The following STAT5A variants were observed in gnomAD, a reference collection of about 807,000 sequenced individuals.
STAT5A encodes signal transducer and activator of transcription 5A.
A neutral mutation model predicts 100.2 loss-of-function variants in STAT5A; 26 were observed. That is an observed-to-expected ratio of 0.26 (90% CI 0.19 to 0.36). STAT5A has a LOEUF of 0.36. STAT5A is among the 10% of genes least tolerant of loss of function. The pLI, the probability that STAT5A is intolerant of heterozygous loss-of-function variation, is 1.00. For synonymous variants in STAT5A, 330 were observed against 424.3 expected, an observed-to-expected ratio of 0.78 and a Z score of 2.73; for missense variants, 634 against 1,027.5, an observed-to-expected ratio of 0.62 and a Z score of 5.24.
rs577382905 is a variant in STAT5A, at chr17:42,307,554, T to A, written c.1776-39T>A. The A allele has an allele frequency of 5.5e-5, 88 of 1,614,102 alleles. No homozygotes were observed. In the African/African-American group the frequency reaches 1.1e-3, roughly 20 times the overall value. On this transcript the variant is annotated intron_variant, in intron 14 of 18. Transcript: ENST00000590949. The stretch of plus-strand genomic sequence containing the variant: ...GCTGTGGGCGCAGAGAGACTGTGGC[T>A]GTGGCCCAGTGGTGACGCTCAATGC...
chr17:42,310,387 C>T (rs929996031), intron 18 of STAT5A, 120 bp from the exon 19 acceptor site: 3 of 1,141,892 alleles, frequency 2.6e-6, no homozygotes, highest in Non-Finnish European at 3.8e-6. Context: ...GGCATCCAGC[C>T]AGAACTGGTC....
chr17:42,310,572 A>G lies in STAT5A; in HGVS notation c.2288A>G (p.His763Arg). The G allele has an allele frequency of 6.2e-7, 1 of 1,614,206 alleles. No homozygotes were observed. Among genetic ancestry groups the G allele is most frequent in the African/African-American group, 1.3e-5 (1 of 75,046 alleles). ...DLDETMDVAR[H>R]VEELLRRPMD... ...GATGAGACCATGGATGTGGCCAGGC[A>G]CGTGGAGGAACTCTTACGCCGACCA... is the stretch of plus-strand genomic sequence containing the variant. The change falls in exon 19 of 19, where the codon CAC (histidine) becomes CGC (arginine). Residue 763 changes from histidine (H) to arginine (R), a missense_variant. Physicochemically the swap from His to Arg is conservative, Grantham distance 29. This residue lies in a region of STAT5A where 88 missense variants were observed against 95.1 expected (regional missense o/e 0.92). Coordinates refer to ENST00000590949, the MANE Select transcript of STAT5A (RefSeq NM_001288718.2).
rs1323710039 is a variant in STAT5A, at chr17:42,310,686, C to T, written c.*17C>T. ...CTCTCATGAATGTTTGAATCCCACG[C>T]TTCTCTTTGGAAACAATATGCAATG... On this transcript the variant is annotated 3_prime_UTR_variant, in exon 19 of 19. Coordinates refer to ENST00000590949, the MANE Select transcript of STAT5A (RefSeq NM_001288718.2). 2.5e-6 allele frequency: 4 copies of T among 1,613,696 alleles called. No individual in the cohort carries two copies. Among genetic ancestry groups the T allele is most frequent in the Non-Finnish European group, 8.5e-7 (1 of 1,179,818 alleles).
Position 42,299,881 on chromosome 17 carries a change from G to T in STAT5A, c.681G>T (p.Val227=). Residue 227 remains valine, a splice_region_variant and synonymous_variant, in exon 6 of 19, where the codon GTG becomes GTT. Transcript: ENST00000590949. ...REAQTLQQYR[V]ELAEKHQKTL... is the part of the protein sequence containing the mutation. ...CACAGACACTGCAGCAGTACCGCGT[G>T]GTGAGTGGGGTCCTGGGCCTCTCCT... 6.2e-7 allele frequency: 1 copy of T among 1,606,394 alleles called. No individual in the cohort carries two copies. Among genetic ancestry groups the T allele is most frequent in the East Asian group, 2.2e-5 (1 of 44,682 alleles).
Position 42,301,262 on chromosome 17 carries a change from G to C in STAT5A, c.990-13G>C. 1 of 1,612,536 alleles carries C rather than the reference G, an allele frequency of 6.2e-7. No homozygotes were observed. The highest frequency in any genetic ancestry group is 1.7e-5 in the Admixed American group (1 of 59,924). Reference sequence around the variant, plus strand: ...AACCCCTCATCGTGTGTCTGTCCCTGTGTCCCATGCAGCACATTCATCATT... The same window carrying C: ...AACCCCTCATCGTGTGTCTGTCCCTCTGTCCCATGCAGCACATTCATCATT... On this transcript the variant is annotated splice_polypyrimidine_tract_variant and intron_variant, in intron 8 of 18. Coordinates refer to ENST00000590949, the MANE Select transcript of STAT5A (RefSeq NM_001288718.2).
intron 12 of STAT5A, 104 bp downstream of exon 12, chr17:42,305,806 A>C: frequency 8.0e-7 from 1 of 1,245,452 alleles, no homozygotes; most frequent in Non-Finnish European, 1.1e-6. Context: ...TCCTCACCCC[A>C]GGGCCAGCCC....
rs1284337001 is a variant in STAT5A, at chr17:42,308,604, G to A, written c.2062+271G>A. ...CCTCGGAGGAAGGGGTGGCAGCACTGTAGGGAGTGGCCGGGATCATTCGAG... is the reference window on the plus strand; with the variant it reads ...CCTCGGAGGAAGGGGTGGCAGCACTATAGGGAGTGGCCGGGATCATTCGAG... On this transcript the variant is annotated intron_variant, in intron 16 of 18. Coordinates refer to ENST00000590949, the MANE Select transcript of STAT5A (RefSeq NM_001288718.2). The surrounding 1 kb of genome is among the most constrained non-coding windows in gnomAD (Gnocchi z 4.6). 3.7e-6 allele frequency: 2 copies of A among 538,826 alleles called. No homozygotes were observed. Among genetic ancestry groups the A allele is most frequent in the South Asian group, 2.1e-5 (1 of 47,214 alleles). The allele number at this position is 538,826 out of a possible 1,614,324, so 33.4% of individuals were successfully genotyped here.
intron 5 of STAT5A, among the ~76,000 whole-genome samples, chr17:42,298,120 C>T (rs141760746): frequency 0.044 from 6,590 of 150,722 alleles, 310 homozygotes; most frequent in African/African-American, 0.12. Context: ...GATACACAGG[C>T]GCCCTTGTGT....
Position 42,304,582 on chromosome 17 carries a change from A to G in STAT5A, c.1310A>G (p.Glu437Gly). The G allele has an allele frequency of 6.2e-7, 1 of 1,614,224 alleles. No homozygotes were observed. Residue 437 changes from glutamate (E) to glycine (G), a missense_variant, in exon 11 of 19, where the codon GAG (glutamate) becomes GGG (glycine). Glu to Gly is a moderately conservative substitution (Grantham distance 98). This residue lies in a region of STAT5A where 210 missense variants were observed against 428.4 expected (regional missense o/e 0.49). Coordinates refer to ENST00000590949, the MANE Select transcript of STAT5A (RefSeq NM_001288718.2). This position sits in a 1 kb window ranked among gnomAD's most constrained non-coding sequence, Gnocchi z 4.8. ...ADRRGAESVT[E>G]EKFTVLFESQ... ...CGGCGGGGTGCAGAGTCCGTGACAG[A>G]GGAGAAGTTCACAGTCCTGTTTGAG...
At chr17:42,307,308 G>A in intron 13 of STAT5A, 94 bp from the exon 14 acceptor site, 1 of 1,268,138 alleles carries the variant, frequency 7.9e-7, no homozygotes, top group Non-Finnish European at 1.1e-6. Context: ...GAAGAACTGG[G>A]AGAAGACTGG....
chr17:42,310,398 C>CT, intron 18 of STAT5A, 109 bp from the exon 19 acceptor site: 1 of 1,279,602 alleles, frequency 7.8e-7, no homozygotes, highest in East Asian at 2.4e-5. Flanking sequence ...AGAACTGGTC[C>CT]TGTTCTCATG....
chr17:42,300,352 G>A (rs2080964955), intron 7 of STAT5A, 71 bp downstream of exon 7: 1 of 1,549,300 alleles, frequency 6.5e-7, no homozygotes, highest in Non-Finnish European at 8.7e-7. Context: ...TCTGCGTCCT[G>A]TGCTGGCTCC....
intron 4 of STAT5A, among the ~76,000 whole-genome samples, chr17:42,293,819 C>T (rs577183826): frequency 4.6e-5 from 7 of 152,276 alleles, no homozygotes; most frequent in East Asian, 1.9e-4. Flanking sequence ...ACAGCAGCTG[C>T]GAGAGCAGGA....
At chr17:42,310,408 G>A in intron 18 of STAT5A, 99 bp from the exon 19 acceptor site, 1 of 1,375,206 alleles carries the variant, frequency 7.3e-7, no homozygotes, top group Non-Finnish European at 1.0e-6. Context: ...CTGTTCTCAT[G>A]AGACGGGTTT....
chr17:42,298,133 C>G (rs1215991073), intron 5 of STAT5A, among the ~76,000 whole-genome samples: 2 of 151,416 alleles, frequency 1.3e-5, no homozygotes, highest in African/African-American at 4.9e-5. Flanking sequence ...CCTTGTGTTC[C>G]ACATCCCCTG....
intron 5 of STAT5A, 23 bp from the exon 6 acceptor site, chr17:42,299,728 T>C (rs1393030151): frequency 6.2e-7 from 1 of 1,614,032 alleles, no homozygotes; most frequent in Admixed American, 1.7e-5. Context: ...GTGATGGTCA[T>C]GGTTTCCTCT....
intron 12 of STAT5A, 87 bp downstream of exon 12, chr17:42,305,789 T>C: frequency 7.2e-7 from 1 of 1,397,202 alleles, no homozygotes; most frequent in Non-Finnish European, 9.9e-7. Context: ...CCCTGCTGAG[T>C]GGTCCTTCCT....
At chr17:42,298,617 A>G (rs976397428) in intron 5 of STAT5A, among the ~76,000 whole-genome samples, 3 of 151,554 alleles carry the variant, frequency 2.0e-5, no homozygotes, top group Non-Finnish European at 2.9e-5. Context: ...AACTACAGGC[A>G]CCCGCCACCA....
At chr17:42,302,590 T>C (rs904182520) in intron 9 of STAT5A, among the ~76,000 whole-genome samples, 2 of 152,006 alleles carry the variant, frequency 1.3e-5, no homozygotes, top group Non-Finnish European at 2.9e-5. Context: ...AATAAATGAG[T>C]GAATGAGTGA....
Sources: gnomAD v4.1 joint callset for allele counts (sites outside exome capture counted in the v4.1 genomes callset) on GRCh38, gnomAD v4.1.1 for gene constraint, gnomAD v4.1.1 regional missense constraint, Gnocchi (gnomAD v3.1) non-coding constraint, MANE v1.5 for transcripts, NCBI Gene and HGNC (gene_info 2026-07-23, HGNC 2026-07-21) for gene names.